Variants in APAF1 observed in about 807,000 individuals in gnomAD.
APAF1 encodes apoptotic protease-activating factor 1.
A neutral mutation model predicts 152.4 loss-of-function variants in APAF1; 91 were observed. The observed-to-expected ratio is 0.60, with a 90% confidence interval of 0.50 to 0.71. The LOEUF (loss-of-function observed/expected upper bound fraction) is 0.71, where lower values mean the gene tolerates loss of function less well. Ranked by LOEUF, APAF1 falls within the 30% of genes least tolerant of loss-of-function variation. The probability of loss-of-function intolerance (pLI) is 0.00; values close to 1 mark genes in which losing one functional copy is unlikely to be tolerated. For synonymous variants in APAF1, 484 were observed against 494.1 expected, an observed-to-expected ratio of 0.98 and a Z score of 0.27; for missense variants, 1,283 against 1,472.0, an observed-to-expected ratio of 0.87 and a Z score of 2.10.
chr12:98,653,155 G>A (rs2097651062), intron 4 of APAF1, among the ~76,000 whole-genome samples: 1 of 151,842 alleles, frequency 6.6e-6, no homozygotes, highest in Admixed American at 6.6e-5. Flanking sequence ...TTCAAGAATA[G>A]GTGCTTTCCC....
In APAF1 at chr12:98,732,353, C is replaced by T; in HGVS notation, c.3601-67C>T. Reference sequence around the variant, plus strand: ...GGGAGGAGATAGGGTAAAGGATCTGCTGGCACTATAAATTGTCACACAGTG... The same window carrying T: ...GGGAGGAGATAGGGTAAAGGATCTGTTGGCACTATAAATTGTCACACAGTG... On this transcript the variant is annotated intron_variant, in intron 26 of 26. Transcript: ENST00000551964. 3 of 1,421,138 alleles carry T rather than the reference C, an allele frequency of 2.1e-6. No homozygotes were observed. In the African/African-American group the frequency reaches 4.2e-5, roughly 20 times the overall value. The allele number at this position is 1,421,138 out of a possible 1,614,324, so 88.0% of individuals were successfully genotyped here.
chr12:98,697,571 T>A (rs2097711259), intron 16 of APAF1, among the ~76,000 whole-genome samples: 1 of 152,208 alleles, frequency 6.6e-6, no homozygotes, highest in African/African-American at 2.4e-5. Context: ...CGTATTCATG[T>A]ATGAGTATCA....
At chr12:98,661,387 C>T (rs573548152) in intron 5 of APAF1, among the ~76,000 whole-genome samples, 1 of 152,248 alleles carries the variant, frequency 6.6e-6, no homozygotes, top group African/African-American at 2.4e-5. Flanking sequence ...CAAAGCCAGG[C>T]ATATTTTTTT....
At chr12:98,649,197 C>G (rs1356557080) in intron 3 of APAF1, 9 of 982,960 alleles carry the variant, frequency 9.2e-6, no homozygotes, top group Non-Finnish European at 9.7e-6. Context: ...CTTGCCTTCC[C>G]AGTCTTCAAT....
intron 16 of APAF1, among the ~76,000 whole-genome samples, chr12:98,697,759 A>G (rs1036786608): frequency 6.6e-6 from 1 of 152,188 alleles, no homozygotes. Context: ...ATGATGTTAG[A>G]TAACAGCATT....
chr12:98,715,235 C>CATATATATATATAT (rs61430351), intron 21 of APAF1, among the ~76,000 whole-genome samples, 192 bp from the exon 22 acceptor site: 17 of 54,790 alleles, frequency 3.1e-4, no homozygotes, highest in Non-Finnish European at 4.6e-4. Flanking sequence ...ACATGGTGTG[C>CATATATATATATAT]ATATATATAT....
At chr12:98,715,062 A>G (rs959767194) in intron 21 of APAF1, among the ~76,000 whole-genome samples, 9 of 138,344 alleles carry the variant, frequency 6.5e-5, no homozygotes, top group African/African-American at 2.1e-4. Context: ...TCTCTTATCC[A>G]TCTTAAATGT....
chr12:98,729,020 A>G (rs2097755865), intron 26 of APAF1, among the ~76,000 whole-genome samples: 1 of 152,214 alleles, frequency 6.6e-6, no homozygotes, highest in East Asian at 1.9e-4. Context: ...AGCAGCTTAC[A>G]GTCTATGGGG....
At chr12:98,726,373 A>T (rs2097750616) in intron 25 of APAF1, 1 of 152,424 alleles carries the variant, frequency 6.6e-6, no homozygotes, top group South Asian at 2.1e-4. Context: ...GGGTATTGGG[A>T]TGACTACTTT....
chr12:98,673,461 A>AAAAAAAC (rs1565868659), intron 12 of APAF1, among the ~76,000 whole-genome samples: 18 of 151,714 alleles, frequency 1.2e-4, no homozygotes, highest in African/African-American at 4.4e-4. Flanking sequence ...AAAAAACAAA[A>AAAAAAAC]AAAAAACCTT....
intron 16 of APAF1, among the ~76,000 whole-genome samples, chr12:98,690,847 C>CGATA (rs1219124713): frequency 1.3e-5 from 2 of 152,170 alleles, no homozygotes; most frequent in Non-Finnish European, 2.9e-5. Flanking sequence ...AGTCCCCTAT[C>CGATA]ATAAGCCCCC....
intron 10 of APAF1, among the ~76,000 whole-genome samples, chr12:98,670,565 A>C (rs1323013716): frequency 6.6e-6 from 1 of 151,920 alleles, no homozygotes; most frequent in Admixed American, 6.6e-5. Flanking sequence ...AGTTTAATTT[A>C]TATTGCTTTC....
At chr12:98,689,744 CA>C in intron 16 of APAF1, among the ~76,000 whole-genome samples, 1 of 152,260 alleles carries the variant, frequency 6.6e-6, no homozygotes, top group African/African-American at 2.4e-5. Flanking sequence ...AGACATGAGC[CA>C]CCACACCTGG....
At chr12:98,668,531 A>G (rs557424087) in intron 10 of APAF1, among the ~76,000 whole-genome samples, 72 of 152,270 alleles carry the variant, frequency 4.7e-4, no homozygotes, top group African/African-American at 1.7e-3. Flanking sequence ...ATTATATTTC[A>G]GTGGGTAGTT....
intron 15 of APAF1, among the ~76,000 whole-genome samples, chr12:98,684,624 A>T (rs1287972097): frequency 6.6e-6 from 1 of 151,534 alleles, no homozygotes; most frequent in African/African-American, 2.4e-5. Flanking sequence ...GCACAATTTG[A>T]AAACACTGGA....
At chr12:98,687,357 G>A (rs60570492) in intron 16 of APAF1, among the ~76,000 whole-genome samples, 12,171 of 142,534 alleles carry the variant, frequency 0.085, 679 homozygotes, top group East Asian at 0.25. Flanking sequence ...GTGAGACTCC[G>A]TCTCAAAAAA....
At chr12:98,698,355 A>AT (rs1324144743) in intron 16 of APAF1, among the ~76,000 whole-genome samples, 1 of 152,158 alleles carries the variant, frequency 6.6e-6, no homozygotes, top group African/African-American at 2.4e-5. Context: ...ACCCAGCCTG[A>AT]TTTTCATATT....
At chr12:98,724,772 A>G (rs1474078133) in intron 24 of APAF1, among the ~76,000 whole-genome samples, 1 of 152,208 alleles carries the variant, frequency 6.6e-6, no homozygotes, top group African/African-American at 2.4e-5. Context: ...TTTCAAGGAT[A>G]GTGACTGTAG....
At chr12:98,698,866 G>A (rs999600836) in intron 16 of APAF1, among the ~76,000 whole-genome samples, 1 of 152,196 alleles carries the variant, frequency 6.6e-6, no homozygotes, top group African/African-American at 2.4e-5. Flanking sequence ...TCATTCCTCA[G>A]GATCCAGTTA....
Sources: gnomAD v4.1 joint callset for allele counts (sites outside exome capture counted in the v4.1 genomes callset) on GRCh38, gnomAD v4.1.1 for gene constraint, MANE v1.5 for transcripts, NCBI Gene and HGNC (gene_info 2026-07-23, HGNC 2026-07-21) for gene names.